Variants in NSL1 observed in about 807,000 individuals in gnomAD.
NSL1 encodes the protein kinetochore-associated protein NSL1 homolog.
NSL1 carries 11 observed loss-of-function variants against 25.4 expected under a neutral mutation model. The observed-to-expected ratio is 0.43, with a 90% CI of 0.27 to 0.72. The LOEUF (loss-of-function observed/expected upper bound fraction) is 0.72, where lower values mean the gene tolerates loss of function less well. NSL1 is among the 30% of genes least tolerant of loss of function. The pLI, the probability that NSL1 is intolerant of heterozygous loss-of-function variation, is 0.19. For missense variants in NSL1, 330 were observed against 342.7 expected, an observed-to-expected ratio of 0.96 and a Z score of 0.29; for synonymous variants, 118 against 120.6, an observed-to-expected ratio of 0.98 and a Z score of 0.14.
rs546322383 is a variant in NSL1, at chr1:212,748,631, G to A, written c.500-9030C>T. On this transcript the variant is annotated intron_variant, in intron 4 of 5. Transcript: ENST00000366977. ...GCATACTATATGATTCCATTTACAT[G>A]AAGTTCAAGAAAAGACAAAAATCTA... 3.3e-5 allele frequency among the ~76,000 whole-genome samples: 5 copies of A among 152,220 alleles called. No homozygotes were observed. In the South Asian group the frequency reaches 1.0e-3, roughly 32 times the overall value.
At chr1:212,776,738 C>T (rs2994521) in intron 4 of NSL1, among the ~76,000 whole-genome samples, 2 of 126,116 alleles carry the variant, frequency 1.6e-5, no homozygotes, top group East Asian at 3.9e-4. Flanking sequence ...ACAACAACAA[C>T]AAAAAAAACC....
In NSL1 at chr1:212,739,584, A is replaced by T. The variant is rs140305470; in HGVS notation, c.517T>A (p.Leu173Met). 2 of 1,613,434 alleles carry T rather than the reference A, an allele frequency of 1.2e-6. No individual in the cohort carries two copies. The highest frequency in any genetic ancestry group is 2.2e-5 in the South Asian group (2 of 91,070). Residue 173 changes from leucine to methionine, a missense_variant, in exon 5 of 6, where the codon TTG becomes ATG. Leu to Met is a conservative substitution (Grantham distance 15). Transcript: ENST00000366977. ...GCTACTGTTTCCCCTCTGCATTTCAAATTTTCCATATGAGGGGCTGCAAAA... is the reference window on the plus strand; with the variant it reads ...GCTACTGTTTCCCCTCTGCATTTCATATTTTCCATATGAGGGGCTGCAAAA... ...DPDPAPHMEN[L>M]KCRGETVAKE...
chr1:212,733,793 T>C lies in NSL1; in HGVS notation c.*4615A>G, dbSNP rs1187873391. On this transcript the variant is annotated 3_prime_UTR_variant, in exon 6 of 6. Coordinates refer to ENST00000366977, the MANE Select transcript of NSL1 (RefSeq NM_015471.4). ...TTGTGTGTAAGTTATTGTGTGAGCA[T>C]GTTTTCAATTCTCTTAGGTTTAGAA... Among the ~76,000 whole-genome samples, 3 of 152,256 alleles carry C rather than the reference T, an allele frequency of 2.0e-5. No individual in the cohort carries two copies. Among genetic ancestry groups the C allele is most frequent in the Admixed American group, 6.5e-5 (1 of 15,290 alleles).
At chr1:212,770,113 T>C (rs1056024592) in intron 4 of NSL1, among the ~76,000 whole-genome samples, 3 of 152,008 alleles carry the variant, frequency 2.0e-5, no homozygotes, top group African/African-American at 7.2e-5. Context: ...CATTACATAA[T>C]GATAAAGGGA....
In NSL1 at chr1:212,728,945, C is replaced by G. The variant is rs2102417036; in HGVS notation, c.*9463G>C. On this transcript the variant is annotated 3_prime_UTR_variant, in exon 6 of 6. Transcript: ENST00000366977. ...ATTTGTGTGTTTGAACGTTTGTTCC[C>G]TTTGAATATGAAAGAAAAAGAAATG... The G allele has an allele frequency of 1.0e-6, 1 of 985,166 alleles. No individual in the cohort carries two copies. The highest frequency in any genetic ancestry group is 1.2e-6 in the Non-Finnish European group (1 of 829,892). 61.0% of individuals were successfully genotyped at this position (985,166 alleles called of 1,614,324 possible).
Position 212,738,503 on chromosome 1 carries a change from T to C in NSL1, c.751A>G (p.Thr251Ala), listed in dbSNP as rs201724999. ...TTTCTTTTCAGTACCATGTCAGAGG[T>C]TTTCCTGGAAGCAGTCTCTGTTGGT... The part of the protein sequence containing the change: ...TTPTETASRK[T>A]SDMVLKRKQT... Residue 251 changes from threonine (T) to alanine (A), a missense_variant, in exon 6 of 6, where the codon ACC becomes GCC. Thr to Ala is a moderately conservative substitution (Grantham distance 58). Coordinates refer to ENST00000366977, the MANE Select transcript of NSL1 (RefSeq NM_015471.4). 1.4e-5 allele frequency: 22 copies of C among 1,613,936 alleles called. No individual in the cohort carries two copies. In the South Asian group the frequency reaches 2.1e-4, roughly 15 times the overall value.
In NSL1 at chr1:212,734,256, C is replaced by T. The variant is rs1346057562; in HGVS notation, c.*4152G>A. Reference sequence around the variant, plus strand: ...TTAATTCACTCAGTTAACCACTATGCATCGAGGGCCCATCATGTGCCAGCA... The same window carrying T: ...TTAATTCACTCAGTTAACCACTATGTATCGAGGGCCCATCATGTGCCAGCA... On this transcript the variant is annotated 3_prime_UTR_variant, in exon 6 of 6. Transcript: ENST00000366977. Among the ~76,000 whole-genome samples the T allele has an allele frequency of 1.3e-5, 2 of 152,152 alleles. No individual in the cohort carries two copies. Among genetic ancestry groups the T allele is most frequent in the African/African-American group, 4.8e-5 (2 of 41,434 alleles).
chr1:212,745,230 T>G (rs911860273), intron 4 of NSL1, among the ~76,000 whole-genome samples: 19 of 145,150 alleles, frequency 1.3e-4, no homozygotes, highest in South Asian at 1.1e-3. Flanking sequence ...AACAAGAGTC[T>G]CAGAAGGGGA....
chr1:212,734,056 A>G lies in NSL1; in HGVS notation c.*4352T>C, dbSNP rs868156577. On this transcript the variant is annotated 3_prime_UTR_variant, in exon 6 of 6. Transcript: ENST00000366977. ...CCACTGAATTTTTATTTCAACTTTC[A>G]TATTTTTAATTTTCAAAAACTTTTT... Among the ~76,000 whole-genome samples the G allele has an allele frequency of 1.3e-5, 2 of 152,044 alleles. No homozygotes were observed. Among genetic ancestry groups the G allele is most frequent in the South Asian group, 4.1e-4 (2 of 4,826 alleles).
rs1658204380 is a variant in NSL1 at position 212,735,631 on chromosome 1, G to A, written c.*2777C>T. 1 of 658,490 alleles carries A rather than the reference G, an allele frequency of 1.5e-6. No individual in the cohort carries two copies. Among genetic ancestry groups the A allele is most frequent in the Non-Finnish European group, 1.9e-6 (1 of 531,446 alleles). The allele number at this position is 658,490 out of a possible 1,614,324, so 40.8% of individuals were successfully genotyped here. A position where few individuals can be genotyped will look rare whatever the true frequency, so the allele number is the denominator to read the frequency against. ...TCCCATGTGCCTATAGCTGTATTTG[G>A]AGATGGGGCCTCTAAGGAAATAATT... On this transcript the variant is annotated 3_prime_UTR_variant, in exon 6 of 6. Transcript: ENST00000366977.
intron 4 of NSL1, among the ~76,000 whole-genome samples, chr1:212,754,551 T>G (rs997227047): frequency 1.3e-5 from 2 of 151,542 alleles, no homozygotes; most frequent in African/African-American, 4.9e-5. Context: ...CTGAGATGGG[T>G]GGATCACGTG....
Position 212,726,874 on chromosome 1 carries a change from C to T in NSL1, c.*11534G>A. ...GTGCAACAACAGAGCCGAGCCCGGT[C>T]CCAGGGGCTGGATGGTGTCCCTCCC... On this transcript the variant is annotated 3_prime_UTR_variant, in exon 6 of 6. Coordinates refer to ENST00000366977, the MANE Select transcript of NSL1 (RefSeq NM_015471.4). 1 of 374,846 alleles carries T rather than the reference C, an allele frequency of 2.7e-6. No homozygotes were observed. Among genetic ancestry groups the T allele is most frequent in the East Asian group, 4.0e-5 (1 of 25,192 alleles). 23.2% of individuals were successfully genotyped at this position (374,846 alleles called of 1,614,324 possible).
chr1:212,736,515 T>A lies in NSL1; in HGVS notation c.*1893A>T, dbSNP rs1658237868. On this transcript the variant is annotated 3_prime_UTR_variant, in exon 6 of 6. Transcript: ENST00000366977. ...ATGCAACTTCTCCTCTTACACAGTA[T>A]ACTTATTCAATATTATTACTGCTAT... The A allele has an allele frequency of 1.0e-6, 1 of 985,034 alleles. No individual in the cohort carries two copies. 61.0% of individuals were successfully genotyped at this position (985,034 alleles called of 1,614,324 possible).
At chr1:212,750,793 T>C (rs1432366508) in intron 4 of NSL1, among the ~76,000 whole-genome samples, 5 of 151,744 alleles carry the variant, frequency 3.3e-5, no homozygotes, top group Non-Finnish European at 5.9e-5. Context: ...TACAAAAAAT[T>C]AGCCGGGCAT....
chr1:212,732,093 T>A lies in NSL1; in HGVS notation c.*6315A>T, dbSNP rs961752643. 2 of 981,816 alleles carry A rather than the reference T, an allele frequency of 2.0e-6. No homozygotes were observed. Among genetic ancestry groups the A allele is most frequent in the African/African-American group, 3.5e-5 (2 of 57,124 alleles). The allele number at this position is 981,816 out of a possible 1,614,324, so 60.8% of individuals were successfully genotyped here. ...TTTATTATTATGGCTATATAAATAT[T>A]GTTCACTGGAGAACTAATTTGTAAC... On this transcript the variant is annotated 3_prime_UTR_variant, in exon 6 of 6. Transcript: ENST00000366977.
intron 3 of NSL1, among the ~76,000 whole-genome samples, chr1:212,783,933 A>G (rs1180098117): frequency 6.6e-6 from 1 of 152,208 alleles, no homozygotes; most frequent in Admixed American, 6.5e-5. Context: ...TGTTATGAAC[A>G]GGTACTAAAA....
rs867906375 is a variant in NSL1, at chr1:212,778,770, C to T, written c.499+3602G>A. Among the ~76,000 whole-genome samples, 4 of 152,256 alleles carry T rather than the reference C, an allele frequency of 2.6e-5. No individual in the cohort carries two copies. The South Asian group carries it at 6.2e-4, about 24-fold the overall frequency. On this transcript the variant is annotated intron_variant, in intron 4 of 5. Coordinates refer to ENST00000366977, the MANE Select transcript of NSL1 (RefSeq NM_015471.4). ...GCTACAACCTCCACCTCCCAGCAGCCTGCCTTGGCCTCCCAAAGTGCCGAG... is the reference window on the plus strand; with the variant it reads ...GCTACAACCTCCACCTCCCAGCAGCTTGCCTTGGCCTCCCAAAGTGCCGAG...
rs1571855029 is a variant in NSL1 at position 212,731,689 on chromosome 1, T to C, written c.*6719A>G. 1 of 985,464 alleles carries C rather than the reference T, an allele frequency of 1.0e-6. No individual in the cohort carries two copies. The allele number at this position is 985,464 out of a possible 1,614,324, so 61.0% of individuals were successfully genotyped here. Reference sequence around the variant, plus strand: ...GCTGCACTAAATTATATCCATATTGTATGATCTTGAATCAGCTTTTTAGAC... The same window carrying C: ...GCTGCACTAAATTATATCCATATTGCATGATCTTGAATCAGCTTTTTAGAC... On this transcript the variant is annotated 3_prime_UTR_variant, in exon 6 of 6. Transcript: ENST00000366977.
chr1:212,730,771 C>T lies in NSL1; in HGVS notation c.*7637G>A. The T allele has an allele frequency of 3.0e-6, 3 of 985,398 alleles. No homozygotes were observed. The highest frequency in any genetic ancestry group is 5.2e-4 in the Middle Eastern group (1 of 1,914). The allele number at this position is 985,398 out of a possible 1,614,324, so 61.0% of individuals were successfully genotyped here. On this transcript the variant is annotated 3_prime_UTR_variant, in exon 6 of 6. Coordinates refer to ENST00000366977, the MANE Select transcript of NSL1 (RefSeq NM_015471.4). ...ACGTAGTTCTAGTAGACAGGAGACTCTGGAGTCCTAATTCAGGTCAGTTTC... is the reference window on the plus strand; with the variant it reads ...ACGTAGTTCTAGTAGACAGGAGACTTTGGAGTCCTAATTCAGGTCAGTTTC...
Sources: allele counts gnomAD v4.1 joint callset (sites outside exome capture counted in the v4.1 genomes callset), GRCh38; gene constraint gnomAD v4.1.1; transcripts MANE v1.5; gene names NCBI Gene and HGNC (gene_info 2026-07-23, HGNC 2026-07-21).